Variants in RERE observed in about 807,000 individuals in gnomAD.
RERE encodes the protein arginine-glutamic acid dipeptide repeats protein.
RERE carries 40 observed loss-of-function variants against 146.1 expected under a neutral mutation model. The observed-to-expected ratio is 0.27, with a 90% CI of 0.21 to 0.36. The LOEUF is 0.36. Among genes scored for constraint, RERE ranks in the 10% least tolerant of loss-of-function variants. RERE has a pLI of 1.00. For synonymous variants in RERE, 1,003 were observed against 866.0 expected (o/e 1.16, Z -2.78); for missense variants, 1,933 against 2,138.7 (o/e 0.90, Z 1.90).
rs34547801 is a variant in RERE, at chr1:8,529,287, C to CTTTTTTTTTTTTTTTTTTTTTTTTTTT, written c.830+11926_830+11927insAAAAAAAAAAAAAAAAAAAAAAAAAAA. 2.9e-5 allele frequency among the ~76,000 whole-genome samples: 3 copies of CTTTTTTTTTTTTTTTTTTTTTTTTTTT among 102,446 alleles called. 1 individual carries two copies. The highest frequency in any genetic ancestry group is 1.2e-4 in the African/African-American group (3 of 26,018). 67.2% of individuals were successfully genotyped at this position (102,446 alleles called of 152,430 possible). ...CCTCCACAACCATCAGTTCTCCCTT[C>CTTTTTTTTTTTTTTTTTTTTTTTTTTT]TTTTTTTTTTTTTTTTTTTTGAGAT... On this transcript the variant is annotated intron_variant, in intron 7 of 22. Transcript: ENST00000400908.
chr1:8,473,750 TAAC>T (rs2124156490), intron 10 of RERE, among the ~76,000 whole-genome samples: 1 of 152,336 alleles, frequency 6.6e-6, no homozygotes, highest in South Asian at 2.1e-4. Flanking sequence ...TAAATGGGCC[TAAC>T]ACCACCAGCC....
chr1:8,610,788 G>GA lies in RERE; in HGVS notation c.522+3772dup, dbSNP rs545722897. Among the ~76,000 whole-genome samples the GA allele has an allele frequency of 6.1e-3, 916 of 150,942 alleles. 6 individuals carry two copies. Among genetic ancestry groups the GA allele is most frequent in the African/African-American group, 0.02 (821 of 41,050 alleles). On this transcript the variant is annotated intron_variant, in intron 4 of 22. Coordinates refer to ENST00000400908, the MANE Select transcript of RERE (RefSeq NM_001042681.2). ...ATTATTATACCCATACTACAAGTGAGAAAACTAAGAGTTAGAAAGGTTAAT... is the reference window on the plus strand; with the variant it reads ...ATTATTATACCCATACTACAAGTGAGAAAAACTAAGAGTTAGAAAGGTTAAT...
intron 11 of RERE, among the ~76,000 whole-genome samples, chr1:8,443,921 C>T (rs551648481): frequency 6.6e-6 from 1 of 152,198 alleles, no homozygotes; most frequent in Non-Finnish European, 1.5e-5. Context: ...GTGCCCAGGC[C>T]AGAAGCCTGC....
intron 10 of RERE, among the ~76,000 whole-genome samples, chr1:8,484,049 A>G (rs924702553): frequency 6.6e-6 from 1 of 152,252 alleles, no homozygotes; most frequent in South Asian, 2.1e-4. Context: ...ACCTGAGCCC[A>G]AAGAAGGAAA....
At chr1:8,688,705 T>A (rs1639143903) in intron 1 of RERE, among the ~76,000 whole-genome samples, 1 of 152,210 alleles carries the variant, frequency 6.6e-6, no homozygotes, top group South Asian at 2.1e-4. Flanking sequence ...AAAACATCTA[T>A]CTGTCTGTCC....
chr1:8,387,124 T>C (rs748033037), intron 12 of RERE, among the ~76,000 whole-genome samples: 2 of 152,210 alleles, frequency 1.3e-5, no homozygotes, highest in African/African-American at 2.4e-5. Flanking sequence ...AGCACTGGAA[T>C]AGACAGAGAG....
At chr1:8,716,266 C>T (rs907749361) in intron 1 of RERE, among the ~76,000 whole-genome samples, 2 of 148,262 alleles carry the variant, frequency 1.3e-5, no homozygotes, top group Non-Finnish European at 3.0e-5. Context: ...AGTTCAAGTC[C>T]GGCCTAGGCA....
chr1:8,716,157 A>G (rs1338099627), intron 1 of RERE, among the ~76,000 whole-genome samples: 1 of 151,206 alleles, frequency 6.6e-6, no homozygotes, highest in Non-Finnish European at 1.5e-5. Flanking sequence ...GGGAAAAAAA[A>G]AAGACAAAAA....
chr1:8,352,746 G>C lies in RERE; in HGVS notation c.*2341C>G, dbSNP rs1199021321. The stretch of plus-strand genomic sequence containing the variant: ...CTTCAAAGACACCATGAAGGTCAGG[G>C]CCTCCTAAACAAACTGTAGTTTATC... On this transcript the variant is annotated 3_prime_UTR_variant, in exon 23 of 23. Transcript: ENST00000400908. 6.6e-6 allele frequency: 1 copy of C among 152,328 alleles called. No homozygotes were observed. The highest frequency in any genetic ancestry group is 1.5e-5 in the Non-Finnish European group (1 of 68,038). The allele number at this position is 152,328 out of a possible 1,614,324, so 9.4% of individuals were successfully genotyped here. A position where few individuals can be genotyped will look rare whatever the true frequency, so the allele number is the denominator to read the frequency against.
chr1:8,443,474 A>AG (rs1439224853), intron 11 of RERE, among the ~76,000 whole-genome samples: 2 of 148,442 alleles, frequency 1.3e-5, no homozygotes, highest in African/African-American at 2.4e-5. Context: ...AAAAAAAAAA[A>AG]AAAAAGAAAG....
chr1:8,434,066 C>T (rs1360348341), intron 11 of RERE, among the ~76,000 whole-genome samples: 6 of 152,320 alleles, frequency 3.9e-5, no homozygotes, highest in Middle Eastern at 3.4e-3. Flanking sequence ...CTCCTCAGTT[C>T]ATGAGTATCA....
chr1:8,413,593 C>G (rs750507230), intron 12 of RERE, among the ~76,000 whole-genome samples: 1 of 152,222 alleles, frequency 6.6e-6, no homozygotes, highest in East Asian at 1.9e-4. Context: ...ATCCTCCCAC[C>G]TCAACCTCCC....
At chr1:8,723,206 G>T (rs895289336) in intron 1 of RERE, among the ~76,000 whole-genome samples, 23 of 152,066 alleles carry the variant, frequency 1.5e-4, no homozygotes, top group African/African-American at 4.8e-4. Flanking sequence ...CAACAAAGAA[G>T]AATAAAATCT....
At chr1:8,467,866 G>C (rs950721336) in intron 10 of RERE, among the ~76,000 whole-genome samples, 1 of 152,090 alleles carries the variant, frequency 6.6e-6, no homozygotes, top group East Asian at 1.9e-4. Context: ...GAATGGTCTC[G>C]ATCTCTTGAC....
At position 8,529,287 on chromosome 1, in the gene RERE, C is replaced by CTT. The variant is rs34547801; in HGVS notation, c.830+11925_830+11926dup. On this transcript the variant is annotated intron_variant, in intron 7 of 22. Transcript: ENST00000400908. ...CCTCCACAACCATCAGTTCTCCCTT[C>CTT]TTTTTTTTTTTTTTTTTTTTGAGAT... is the stretch of plus-strand genomic sequence containing the variant. Among the ~76,000 whole-genome samples, 85 of 102,432 alleles carry CTT rather than the reference C, an allele frequency of 8.3e-4. 1 individual carries two copies. The highest frequency in any genetic ancestry group is 2.1e-3 in the African/African-American group (54 of 26,048). 67.2% of individuals were successfully genotyped at this position (102,432 alleles called of 152,430 possible). A position where few individuals can be genotyped will look rare whatever the true frequency, so the allele number is the denominator to read the frequency against.
chr1:8,447,555 T>C (rs1036723756), intron 11 of RERE, among the ~76,000 whole-genome samples: 9 of 152,188 alleles, frequency 5.9e-5, no homozygotes, highest in African/African-American at 1.9e-4. Context: ...GTCAGGCCCC[T>C]CTGCTGCAGG....
intron 1 of RERE, among the ~76,000 whole-genome samples, chr1:8,811,032 AAGGAAAATAAGGT>A (rs1268764029): frequency 6.6e-6 from 1 of 152,204 alleles, no homozygotes; most frequent in Non-Finnish European, 1.5e-5. Flanking sequence ...AAGTCTCTTG[AAGGAAAATAAGGT>A]GTTAGAATAA....
Position 8,706,113 on chromosome 1 carries a change from CAAAAAAA to C in RERE, c.-144-49679_-144-49673del, listed in dbSNP as rs61016240. 3.7e-3 allele frequency among the ~76,000 whole-genome samples: 259 copies of C among 69,196 alleles called. 1 individual carries two copies. The highest frequency in any genetic ancestry group is 0.013 in the African/African-American group (219 of 16,816). The allele number at this position is 69,196 out of a possible 152,430, so 45.4% of individuals were successfully genotyped here. ...GGGTGACAGAGCAAGACTCCGTCTC[CAAAAAAA>C]AAAAAAAAAAAAAAAAAAGAATGTC... On this transcript the variant is annotated intron_variant, in intron 1 of 22. Coordinates refer to ENST00000400908, the MANE Select transcript of RERE (RefSeq NM_001042681.2).
rs539554334 is a variant in RERE, at chr1:8,674,340, T to A, written c.-144-17899A>T. On this transcript the variant is annotated intron_variant, in intron 1 of 22. Transcript: ENST00000400908. ...CATCAGAAGGAAAGTAATACATACT[T>A]CTTTTTCAGGATTAAAAAAACAAAA... Among the ~76,000 whole-genome samples the A allele has an allele frequency of 3.9e-5, 6 of 152,234 alleles. No individual in the cohort carries two copies. The East Asian group carries it at 1.2e-3, about 29-fold the overall frequency.
Sources: gnomAD v4.1 joint callset for allele counts (sites outside exome capture counted in the v4.1 genomes callset) on GRCh38, gnomAD v4.1.1 for gene constraint, MANE v1.5 for transcripts, NCBI Gene and HGNC (gene_info 2026-07-23, HGNC 2026-07-21) for gene names.